ADAMTS14: variants seen among roughly 807,000 people sequenced by gnomAD.
ADAMTS14 encodes the protein A disintegrin and metalloproteinase with thrombospondin motifs 14.
Under a neutral mutation model 128.6 loss-of-function variants are expected in ADAMTS14, and 100 were observed. The observed-to-expected ratio is 0.78, with a 90% CI of 0.66 to 0.92. The LOEUF (loss-of-function observed/expected upper bound fraction) is 0.92, where lower values mean the gene tolerates loss of function less well. ADAMTS14 is among the 40% of genes least tolerant of loss of function. The pLI, the probability that ADAMTS14 is intolerant of heterozygous loss-of-function variation, is 0.00. For synonymous variants in ADAMTS14, 665 were observed against 653.8 expected (o/e 1.02, Z -0.26); for missense variants, 1,562 against 1,658.6 (o/e 0.94, Z 1.01).
At chr10:70,713,155 T>C (rs966275843) in intron 4 of ADAMTS14, among the ~76,000 whole-genome samples, 5 of 152,218 alleles carry the variant, frequency 3.3e-5, no homozygotes, top group Admixed American at 1.3e-4. Flanking sequence ...TGAATTCTGT[T>C]GCTTGGCTTC....
At chr10:70,738,636 C>A (rs992070246) in intron 10 of ADAMTS14, among the ~76,000 whole-genome samples, 2 of 152,224 alleles carry the variant, frequency 1.3e-5, no homozygotes, top group African/African-American at 4.8e-5. Flanking sequence ...TCATCAGAAG[C>A]TATGAGCAGG....
At chr10:70,675,294 T>G (rs1466067063) in intron 2 of ADAMTS14, among the ~76,000 whole-genome samples, 4 of 152,230 alleles carry the variant, frequency 2.6e-5, no homozygotes, top group African/African-American at 9.6e-5. Context: ...GCTGAGCCAC[T>G]GCCTAGCTGT....
At position 70,760,807 on chromosome 10, in the gene ADAMTS14, T is replaced by G. The variant is rs748279589; in HGVS notation, c.3626T>G (p.Leu1209Arg). Residue 1209 changes from leucine (L) to arginine (R), a missense_variant, in exon 22 of 22, where the codon CTG (leucine) becomes CGG (arginine). Transcript: ENST00000373207. ...GACAAAGGGCAACCTGGAGAAGACCTGAGACATCCCGGCACCAGCCTCCCT... is the reference window on the plus strand; with the variant it reads ...GACAAAGGGCAACCTGGAGAAGACCGGAGACATCCCGGCACCAGCCTCCCT... Reference protein sequence around the residue: ...PEDKGQPGEDLRHPGTSLPAA... With the variant: ...PEDKGQPGEDRRHPGTSLPAA... The G allele has an allele frequency of 4.4e-6, 7 of 1,599,966 alleles. No homozygotes were observed. The East Asian group carries it at 1.6e-4, about 36-fold the overall frequency.
chr10:70,690,893 T>C lies in ADAMTS14; in HGVS notation c.523-11419T>C, dbSNP rs1286968191. 1.4e-5 allele frequency among the ~76,000 whole-genome samples: 2 copies of C among 144,994 alleles called. 1 individual carries two copies. The highest frequency in any genetic ancestry group is 3.2e-5 in the Non-Finnish European group (2 of 63,316). On this transcript the variant is annotated intron_variant, in intron 2 of 21. Transcript: ENST00000373207. Reference sequence around the variant, plus strand: ...TTCCTGTCTCTTCATCCTGGAGCCATGGCTGCTTCCAGGACTCAGGGCCAA... The same window carrying C: ...TTCCTGTCTCTTCATCCTGGAGCCACGGCTGCTTCCAGGACTCAGGGCCAA...
rs114067142 is a variant in ADAMTS14 at position 70,713,762 on chromosome 10, G to A, written c.870+4984G>A. Among the ~76,000 whole-genome samples, 1,132 of 152,288 alleles carry A rather than the reference G, an allele frequency of 7.4e-3. 18 individuals carry two copies. Among genetic ancestry groups the A allele is most frequent in the African/African-American group, 0.026 (1,077 of 41,568 alleles). ...TGTGTATGGGGGTGAGTTGGAGCAG[G>A]ACCTGTGCCCAGAAGGCAAGCAGCA... On this transcript the variant is annotated intron_variant, in intron 4 of 21. Transcript: ENST00000373207.
chr10:70,760,990 C>A lies in ADAMTS14; in HGVS notation c.*137C>A, dbSNP rs1406587771. 12 of 1,252,524 alleles carry A rather than the reference C, an allele frequency of 9.6e-6. No homozygotes were observed. Among genetic ancestry groups the A allele is most frequent in the African/African-American group, 3.0e-5 (2 of 66,214 alleles). 77.6% of individuals were successfully genotyped at this position (1,252,524 alleles called of 1,614,324 possible). Reference sequence around the variant, plus strand: ...TCATTCGCCTTCTTCTCGTTTGGGGCTGTGATGCTCTTTACCCCACAAAGC... The same window carrying A: ...TCATTCGCCTTCTTCTCGTTTGGGGATGTGATGCTCTTTACCCCACAAAGC... On this transcript the variant is annotated 3_prime_UTR_variant, in exon 22 of 22. Coordinates refer to ENST00000373207, the MANE Select transcript of ADAMTS14 (RefSeq NM_080722.4).
At position 70,753,910 on chromosome 10, in the gene ADAMTS14, T is replaced by C. The variant is rs772643718; in HGVS notation, c.2840T>C (p.Met947Thr). Residue 947 changes from methionine to threonine, a missense_variant, in exon 19 of 22, where the codon ATG (methionine) becomes ACG (threonine). By Grantham distance (81) the Met-to-Thr change is moderately conservative. Transcript: ENST00000373207. ...CTCTCCAATGGAACCCACAAGGTCATGCCGGCCAAAGCCTGCGCCGGGGAC... is the reference window on the plus strand; with the variant it reads ...CTCTCCAATGGAACCCACAAGGTCACGCCGGCCAAAGCCTGCGCCGGGGAC... ...LPLSNGTHKVMPAKACAGDRP... is the reference protein window; with the variant it reads ...LPLSNGTHKVTPAKACAGDRP... The C allele has an allele frequency of 1.3e-6, 2 of 1,591,718 alleles. No individual in the cohort carries two copies. Among genetic ancestry groups the C allele is most frequent in the Non-Finnish European group, 8.5e-7 (1 of 1,170,126 alleles).
At chr10:70,719,084 C>A (rs1266801150) in intron 4 of ADAMTS14, among the ~76,000 whole-genome samples, 1 of 152,026 alleles carries the variant, frequency 6.6e-6, no homozygotes, top group East Asian at 1.9e-4. Flanking sequence ...CTACCGGCAT[C>A]TAGTTGGTAG....
In ADAMTS14 at chr10:70,741,101, C is replaced by T. The variant is rs1485280466; in HGVS notation, c.1863C>T (p.Arg621=). ...TCCGGGCCCAGCAGTGTGCCAAGCG[C>T]AACTCCTACTATGTGCACCAGAATG... ...EDFRAQQCAK[R]NSYYVHQNAK... The change falls in exon 12 of 22, where the codon CGC becomes CGT. Residue 621 remains arginine, a synonymous_variant. Coordinates refer to ENST00000373207, the MANE Select transcript of ADAMTS14 (RefSeq NM_080722.4). 23 of 1,613,860 alleles carry T rather than the reference C, an allele frequency of 1.4e-5. No individual in the cohort carries two copies. The highest frequency in any genetic ancestry group is 1.7e-5 in the Non-Finnish European group (20 of 1,179,990).
Position 70,740,559 on chromosome 10 carries a change from A to G in ADAMTS14, c.1749-428A>G, listed in dbSNP as rs568865882. On this transcript the variant is annotated intron_variant, in intron 11 of 21. Coordinates refer to ENST00000373207, the MANE Select transcript of ADAMTS14 (RefSeq NM_080722.4). ...TTCTTTTACCACTCCTTAGTTTATG[A>G]TGATATTAAGTGGAAGTTGATGCAA... is the stretch of plus-strand genomic sequence containing the variant. Among the ~76,000 whole-genome samples the G allele has an allele frequency of 2.0e-5, 3 of 152,300 alleles. No homozygotes were observed. The South Asian group carries it at 6.2e-4, about 32-fold the overall frequency.
At chr10:70,723,104 G>A (rs1039486525) in intron 4 of ADAMTS14, among the ~76,000 whole-genome samples, 3 of 152,202 alleles carry the variant, frequency 2.0e-5, no homozygotes, top group African/African-American at 7.2e-5. Flanking sequence ...TGATGAGGAA[G>A]CACCTTACCC....
chr10:70,743,624 T>C lies in ADAMTS14; in HGVS notation c.2001T>C (p.Asp667=), dbSNP rs771089425. Residue 667 remains aspartate (D), a synonymous_variant, in exon 13 of 22, where the codon GAT becomes GAC. Coordinates refer to ENST00000373207, the MANE Select transcript of ADAMTS14 (RefSeq NM_080722.4). Reference sequence around the variant, plus strand: ...TGTTCATGAACCAGGTGGTTCACGATGGGACACGCTGCAGCTACCGGGACC... The same window carrying C: ...TGTTCATGAACCAGGTGGTTCACGACGGGACACGCTGCAGCTACCGGGACC... ...DVVFMNQVVH[D]GTRCSYRDPY... 6.2e-7 allele frequency: 1 copy of C among 1,612,260 alleles called. No individual in the cohort carries two copies. Among genetic ancestry groups the C allele is most frequent in the African/African-American group, 1.3e-5 (1 of 74,826 alleles).
chr10:70,708,826 G>GGGCCC, intron 4 of ADAMTS14, 48 bp downstream of exon 4: 30 of 396,548 alleles, frequency 7.6e-5, no homozygotes, highest in East Asian at 4.2e-4. Context: ...GGTGGGGTGG[G>GGGCCC]CCCCACCCCA....
chr10:70,746,453 C>A (rs1842180603), intron 15 of ADAMTS14, among the ~76,000 whole-genome samples: 2 of 152,174 alleles, frequency 1.3e-5, no homozygotes, highest in South Asian at 4.1e-4. Context: ...TAATGGGTAT[C>A]AGGTTTCTTT....
intron 4 of ADAMTS14, among the ~76,000 whole-genome samples, chr10:70,723,065 G>A (rs556303932): frequency 6.1e-4 from 93 of 152,326 alleles, no homozygotes; most frequent in African/African-American, 2.2e-3. Context: ...TGATGAGTCA[G>A]GCTGGTATCA....
chr10:70,675,712 C>A (rs556914522), intron 2 of ADAMTS14, among the ~76,000 whole-genome samples: 1 of 152,312 alleles, frequency 6.6e-6, no homozygotes, highest in Admixed American at 6.5e-5. Context: ...AACCAGAAAG[C>A]CATGGGGTGG....
In ADAMTS14 at chr10:70,708,619, G is replaced by A. The variant is rs747600539; in HGVS notation, c.711G>A (p.Leu237=). Residue 237 remains leucine, a synonymous_variant, in exon 4 of 22, where the codon CTG becomes CTA. Coordinates refer to ENST00000373207, the MANE Select transcript of ADAMTS14 (RefSeq NM_080722.4). Reference sequence around the variant, plus strand: ...GCCTGGGAGACCTTCCCAACCTGCTGGGCCTGGTGGGGGACCAGCTGGGCG... The same window carrying A: ...GCCTGGGAGACCTTCCCAACCTGCTAGGCCTGGTGGGGGACCAGCTGGGCG... ...AFGLGDLPNL[L]GLVGDQLGDT... 3.1e-6 allele frequency: 5 copies of A among 1,609,938 alleles called. No individual in the cohort carries two copies. The East Asian group carries it at 8.9e-5, about 29-fold the overall frequency.
rs141442936 is a variant in ADAMTS14 at position 70,733,994 on chromosome 10, C to G, written c.1318C>G (p.Arg440Gly). ...QAAFHRFHWS[R>G]CSKLELSRYL... ...TGCCTTCCACCGCTTCCATTGGTCC[C>G]GCTGCAGCAAGCTGGAGCTCAGCCG... The change falls in exon 8 of 22, where the codon CGC (arginine) becomes GGC (glycine). Residue 440 changes from arginine (R) to glycine (G), a missense_variant. Transcript: ENST00000373207. 2 of 1,613,668 alleles carry G rather than the reference C, an allele frequency of 1.2e-6. No homozygotes were observed. Among genetic ancestry groups the G allele is most frequent in the African/African-American group, 1.3e-5 (1 of 74,912 alleles).
At chr10:70,750,776 C>T (rs756837001) in intron 16 of ADAMTS14, among the ~76,000 whole-genome samples, 1 of 152,126 alleles carries the variant, frequency 6.6e-6, no homozygotes, top group South Asian at 2.1e-4. Flanking sequence ...AATATGGTGC[C>T]GGGACACCTG....
Sources: allele counts gnomAD v4.1 joint callset (sites outside exome capture counted in the v4.1 genomes callset), GRCh38; gene constraint gnomAD v4.1.1; transcripts MANE v1.5; gene names NCBI Gene and HGNC (gene_info 2026-07-23, HGNC 2026-07-21).